The following MIPOL1 variants were observed in gnomAD, a reference collection of about 807,000 sequenced individuals.
The protein encoded by MIPOL1 is mirror-image polydactyly 1.
MIPOL1 carries 57 observed loss-of-function variants against 60.9 expected under a neutral mutation model. That is an observed-to-expected ratio of 0.94 (90% CI 0.76 to 1.17). The LOEUF (loss-of-function observed/expected upper bound fraction) is 1.17. MIPOL1 is among the 50% of genes most tolerant of loss of function. The probability of loss-of-function intolerance (pLI) is 0.00; values close to 1 mark genes in which losing one functional copy is unlikely to be tolerated. For synonymous variants in MIPOL1, 179 were observed against 168.8 expected (o/e 1.06, Z -0.47); for missense variants, 551 against 511.6 (o/e 1.08, Z -0.74).
chr14:37,494,785 A>G (rs2095095212), intron 11 of MIPOL1, among the ~76,000 whole-genome samples: 2 of 152,206 alleles, frequency 1.3e-5, no homozygotes, highest in Admixed American at 1.3e-4. Context: ...TCTGAATGCA[A>G]GGACATGCTA....
intron 9 of MIPOL1, among the ~76,000 whole-genome samples, chr14:37,316,344 A>G (rs1009477536): frequency 1.3e-5 from 2 of 151,990 alleles, no homozygotes; most frequent in African/African-American, 2.4e-5. Flanking sequence ...AATTGTTTCT[A>G]AAAGATGAGC....
At chr14:37,521,522 C>T (rs1473748911) in intron 12 of MIPOL1, among the ~76,000 whole-genome samples, 1 of 151,968 alleles carries the variant, frequency 6.6e-6, no homozygotes, top group Non-Finnish European at 1.5e-5. Context: ...ATTTCAACAT[C>T]CATATACTTT....
intron 1 of MIPOL1, among the ~76,000 whole-genome samples, chr14:37,224,497 G>C (rs1969368358): frequency 6.6e-6 from 1 of 152,120 alleles, no homozygotes; most frequent in Non-Finnish European, 1.5e-5. Flanking sequence ...GGCAGACAAG[G>C]GAAGACAGTG....
At chr14:37,514,668 C>T (rs1413821540) in intron 12 of MIPOL1, among the ~76,000 whole-genome samples, 3 of 150,944 alleles carry the variant, frequency 2.0e-5, no homozygotes, top group Non-Finnish European at 4.4e-5. Context: ...GTTGCCCAGG[C>T]TGGAGTACAA....
At chr14:37,511,879 A>G (rs1001976566) in intron 12 of MIPOL1, among the ~76,000 whole-genome samples, 3 of 152,216 alleles carry the variant, frequency 2.0e-5, no homozygotes, top group Non-Finnish European at 1.5e-5. Context: ...TACTGTAACT[A>G]TATAATGAAT....
At chr14:37,519,542 A>T (rs2095396693) in intron 12 of MIPOL1, among the ~76,000 whole-genome samples, 1 of 152,070 alleles carries the variant, frequency 6.6e-6, no homozygotes, top group Admixed American at 6.6e-5. Flanking sequence ...TTATTAACAT[A>T]TTACTCATCT....
At chr14:37,488,837 G>C (rs958076305) in intron 11 of MIPOL1, among the ~76,000 whole-genome samples, 2 of 152,066 alleles carry the variant, frequency 1.3e-5, no homozygotes, top group East Asian at 1.9e-4. Context: ...CCCTTTGTGG[G>C]TAACCTGACC....
chr14:37,403,685 T>G (rs1040493706), intron 10 of MIPOL1, among the ~76,000 whole-genome samples: 3 of 152,158 alleles, frequency 2.0e-5, no homozygotes, highest in Non-Finnish European at 2.9e-5. Flanking sequence ...CAACCTTTCT[T>G]GGTGAAATGA....
chr14:37,279,720 A>G lies in MIPOL1; in HGVS notation c.494-5598A>G, dbSNP rs1326844902. On this transcript the variant is annotated intron_variant, in intron 6 of 12. Transcript: ENST00000684589. ...TGCAATGTGATGTTTCAGTACATGT[A>G]CATACATTGTGAAATGATCAAATCA... 3.3e-5 allele frequency among the ~76,000 whole-genome samples: 5 copies of G among 152,106 alleles called. No individual in the cohort carries two copies. In the East Asian group the frequency reaches 9.6e-4, roughly 29 times the overall value.
chr14:37,408,434 A>C (rs1361930952), intron 10 of MIPOL1, among the ~76,000 whole-genome samples: 1 of 152,086 alleles, frequency 6.6e-6, no homozygotes. Context: ...GTTCGAGACC[A>C]GCCTGGCCAA....
At chr14:37,482,123 T>G (rs2094880507) in intron 11 of MIPOL1, among the ~76,000 whole-genome samples, 1 of 152,026 alleles carries the variant, frequency 6.6e-6, no homozygotes, top group Non-Finnish European at 1.5e-5. Context: ...AGAAAACAAT[T>G]AACAGTATGA....
intron 10 of MIPOL1, among the ~76,000 whole-genome samples, chr14:37,371,071 T>G (rs2092624278): frequency 6.6e-6 from 1 of 152,136 alleles, no homozygotes; most frequent in South Asian, 2.1e-4. Flanking sequence ...CTGTTTAATT[T>G]AATGAAATGA....
At chr14:37,481,446 C>A (rs1462253171) in intron 11 of MIPOL1, among the ~76,000 whole-genome samples, 1 of 151,812 alleles carries the variant, frequency 6.6e-6, no homozygotes, top group African/African-American at 2.4e-5. Flanking sequence ...AAATGTCACA[C>A]CAAATGATCT....
At chr14:37,244,928 C>T (rs554130448) in intron 1 of MIPOL1, among the ~76,000 whole-genome samples, 1 of 152,124 alleles carries the variant, frequency 6.6e-6, no homozygotes, top group East Asian at 1.9e-4. Flanking sequence ...TTGTTTGAAA[C>T]ATTAAAACAT....
At chr14:37,273,042 C>T in intron 6 of MIPOL1, among the ~76,000 whole-genome samples, 1 of 150,624 alleles carries the variant, frequency 6.6e-6, no homozygotes, top group Middle Eastern at 3.6e-3. Flanking sequence ...ATATTAGTTG[C>T]AATAGCAAGA....
At chr14:37,494,240 A>C (rs1566711884) in intron 11 of MIPOL1, among the ~76,000 whole-genome samples, 1 of 152,218 alleles carries the variant, frequency 6.6e-6, no homozygotes, top group Non-Finnish European at 1.5e-5. Flanking sequence ...ATATAAATGA[A>C]GTATTAATAT....
rs557261241 is a variant in MIPOL1 at position 37,426,372 on chromosome 14, AC to A, written c.1031+3426del. ...CACCTGAGGTCAGGAGTTCAAGACC[AC>A]CCTGGCCAACATGATGAAACCCTGT... On this transcript the variant is annotated intron_variant, in intron 11 of 12. Transcript: ENST00000684589. Among the ~76,000 whole-genome samples, 507 of 151,398 alleles carry A rather than the reference AC, an allele frequency of 3.3e-3. 4 individuals are homozygous for A. Among genetic ancestry groups the A allele is most frequent in the African/African-American group, 0.011 (457 of 41,286 alleles).
intron 10 of MIPOL1, among the ~76,000 whole-genome samples, chr14:37,404,069 A>C (rs1328047012): frequency 6.6e-6 from 1 of 152,216 alleles, no homozygotes; most frequent in Non-Finnish European, 1.5e-5. Flanking sequence ...TAATTTAAAA[A>C]CATGTAATTA....
intron 1 of MIPOL1, among the ~76,000 whole-genome samples, chr14:37,201,640 G>C (rs1965360036): frequency 6.6e-6 from 1 of 152,148 alleles, no homozygotes; most frequent in South Asian, 2.1e-4. Flanking sequence ...CTTGGGCCGT[G>C]AAGCTCAACT....
Sources: gnomAD v4.1 joint callset for allele counts (sites outside exome capture counted in the v4.1 genomes callset) on GRCh38, gnomAD v4.1.1 for gene constraint, MANE v1.5 for transcripts, NCBI Gene and HGNC (gene_info 2026-07-23, HGNC 2026-07-21) for gene names.